EBF1: variants seen among roughly 807,000 people sequenced by gnomAD.
The protein encoded by EBF1 is transcription factor COE1.
A neutral mutation model predicts 68.4 loss-of-function variants in EBF1; 10 were observed. That is an observed-to-expected ratio of 0.15 (90% CI 0.09 to 0.25). The LOEUF (loss-of-function observed/expected upper bound fraction) is 0.25. Ranked by LOEUF, EBF1 falls within the 10% of genes least tolerant of loss-of-function variation. The probability of loss-of-function intolerance (pLI) is 1.00; values close to 1 mark genes in which losing one functional copy is unlikely to be tolerated. For synonymous variants in EBF1, 298 were observed against 299.8 expected (o/e 0.99, Z 0.06); for missense variants, 509 against 794.4 (o/e 0.64, Z 4.32).
chr5:158,910,857 C>T (rs150556533), intron 6 of EBF1, among the ~76,000 whole-genome samples: 1 of 152,296 alleles, frequency 6.6e-6, no homozygotes, highest in African/African-American at 2.4e-5. Context: ...TTATAAAGTC[C>T]AGTTTGTGGC....
At chr5:158,992,395 T>C (rs1760513036) in intron 6 of EBF1, among the ~76,000 whole-genome samples, 1 of 152,184 alleles carries the variant, frequency 6.6e-6, no homozygotes, top group African/African-American at 2.4e-5. Flanking sequence ...CTTGTGAAGT[T>C]ATAAATACAT....
At chr5:158,917,112 C>G (rs1807367113) in intron 6 of EBF1, among the ~76,000 whole-genome samples, 1 of 152,198 alleles carries the variant, frequency 6.6e-6, no homozygotes, top group African/African-American at 2.4e-5. Context: ...ATAATAAAAA[C>G]TGTTAGCTCT....
In EBF1 at chr5:159,067,080, C is replaced by T. The variant is rs149210963; in HGVS notation, c.554+6316G>A. On this transcript the variant is annotated intron_variant, in intron 6 of 15. Transcript: ENST00000313708. Reference sequence around the variant, plus strand: ...GGTCAATTTTTATTAGAGAGTTAACCGGGTGCTGGCAGGAGAGGGAAATGA... The same window carrying T: ...GGTCAATTTTTATTAGAGAGTTAACTGGGTGCTGGCAGGAGAGGGAAATGA... Among the ~76,000 whole-genome samples the T allele has an allele frequency of 5.0e-3, 755 of 152,000 alleles. 8 individuals are homozygous for T. Among genetic ancestry groups the T allele is most frequent in the African/African-American group, 0.017 (717 of 41,428 alleles).
chr5:158,770,756 T>G (rs1182798851), intron 10 of EBF1, among the ~76,000 whole-genome samples: 1 of 152,100 alleles, frequency 6.6e-6, no homozygotes, highest in Non-Finnish European at 1.5e-5. Context: ...TTGTCATCCT[T>G]CAAACTTCAG....
At chr5:158,720,098 G>C (rs982257168) in intron 11 of EBF1, among the ~76,000 whole-genome samples, 9 of 152,148 alleles carry the variant, frequency 5.9e-5, no homozygotes, top group African/African-American at 2.2e-4. Context: ...ACACAATGAA[G>C]TGAAATGAGA....
chr5:158,967,798 A>G (rs572012129), intron 6 of EBF1, among the ~76,000 whole-genome samples: 14 of 152,352 alleles, frequency 9.2e-5, no homozygotes, highest in African/African-American at 3.4e-4. Flanking sequence ...CTGTGAGTAA[A>G]CATGAATTCA....
rs375950444 is a variant in EBF1, at chr5:158,958,397, C to T, written c.554+114999G>A. 4.6e-5 allele frequency among the ~76,000 whole-genome samples: 7 copies of T among 152,104 alleles called. No individual in the cohort carries two copies. The East Asian group carries it at 9.6e-4, about 21-fold the overall frequency. On this transcript the variant is annotated intron_variant, in intron 6 of 15. Transcript: ENST00000313708. ...ATTTGCGGTGCTGATTGGAGTACCA[C>T]ACCTTTAAATTCAGGAAGCGGCCTT... is the stretch of plus-strand genomic sequence containing the variant.
intron 6 of EBF1, among the ~76,000 whole-genome samples, chr5:158,894,395 C>T (rs1025005): frequency 1.3e-5 from 2 of 151,736 alleles, no homozygotes; most frequent in Non-Finnish European, 2.9e-5. Context: ...AAATAGAAGG[C>T]AGATAAATAA....
In EBF1 at chr5:158,698,029, A is replaced by T; in HGVS notation, c.*1082T>A. 4.7e-6 allele frequency: 1 copy of T among 214,606 alleles called. No homozygotes were observed. 13.3% of individuals were successfully genotyped at this position (214,606 alleles called of 1,614,324 possible). On this transcript the variant is annotated 3_prime_UTR_variant, in exon 16 of 16. Transcript: ENST00000313708. Reference sequence around the variant, plus strand: ...GTTGTTTCAATCTATTATGTTACAAATGGTAAGGGTCGACTGATAGAGGCA... The same window carrying T: ...GTTGTTTCAATCTATTATGTTACAATTGGTAAGGGTCGACTGATAGAGGCA...
intron 7 of EBF1, among the ~76,000 whole-genome samples, chr5:158,837,653 T>C (rs780761113): frequency 5.9e-5 from 9 of 152,202 alleles, no homozygotes; most frequent in Non-Finnish European, 1.2e-4. Flanking sequence ...AATTGGTTTC[T>C]CATCTTGTAT....
chr5:158,884,631 A>G (rs1799652550), intron 6 of EBF1, among the ~76,000 whole-genome samples: 1 of 152,092 alleles, frequency 6.6e-6, no homozygotes, highest in African/African-American at 2.4e-5. Context: ...CAAGAGACAC[A>G]CCCGACTCAG....
chr5:158,917,918 T>G (rs1020771742), intron 6 of EBF1, among the ~76,000 whole-genome samples: 1 of 152,156 alleles, frequency 6.6e-6, no homozygotes, highest in Non-Finnish European at 1.5e-5. Context: ...TCATCTTTCC[T>G]GTCACAGGGA....
At chr5:158,727,905 C>A (rs574064794) in intron 11 of EBF1, among the ~76,000 whole-genome samples, 1 of 152,286 alleles carries the variant, frequency 6.6e-6, no homozygotes, top group South Asian at 2.1e-4. Context: ...GGAGCAGTTT[C>A]ATTTGACAGA....
intron 11 of EBF1, among the ~76,000 whole-genome samples, chr5:158,716,056 G>A (rs1760628585): frequency 6.6e-6 from 1 of 152,132 alleles, no homozygotes; most frequent in Admixed American, 6.5e-5. Flanking sequence ...AACTGCACTT[G>A]TGAACTTCAC....
At chr5:158,882,824 G>A (rs569100758) in intron 6 of EBF1, among the ~76,000 whole-genome samples, 2 of 152,182 alleles carry the variant, frequency 1.3e-5, no homozygotes, top group South Asian at 2.1e-4. Context: ...CGAGCACCTC[G>A]CACTGCAGGT....
rs9313785 is a variant in EBF1, at chr5:158,709,427, G to A, written c.1550-1254C>T. The stretch of plus-strand genomic sequence containing the variant: ...CATAGCTAGAATGCGCTGAAGCAAG[G>A]AATCACGCCCAAATTTGGAGCTCTT... On this transcript the variant is annotated intron_variant, in intron 14 of 15. Transcript: ENST00000313708. Among the ~76,000 whole-genome samples the A allele has an allele frequency of 6.5e-3, 991 of 152,226 alleles. 15 individuals are homozygous for A. Among genetic ancestry groups the A allele is most frequent in the African/African-American group, 0.023 (947 of 41,516 alleles).
intron 6 of EBF1, among the ~76,000 whole-genome samples, chr5:158,951,081 G>A (rs1023040188): frequency 3.9e-5 from 6 of 152,200 alleles, no homozygotes; most frequent in South Asian, 2.1e-4. Flanking sequence ...TGGTCTGAAC[G>A]CATGGTTTGC....
chr5:158,920,966 T>G (rs771605401), intron 6 of EBF1, among the ~76,000 whole-genome samples: 13 of 152,204 alleles, frequency 8.5e-5, no homozygotes, highest in Middle Eastern at 3.2e-3. Context: ...ATTAGCCATA[T>G]GGGAACCTAG....
intron 8 of EBF1, among the ~76,000 whole-genome samples, chr5:158,809,079 C>A (rs1311945871): frequency 3.3e-5 from 5 of 152,116 alleles, no homozygotes; most frequent in African/African-American, 9.7e-5. Context: ...GCAAATCACC[C>A]CAACTAGTCA....
Sources: allele counts gnomAD v4.1 joint callset (sites outside exome capture counted in the v4.1 genomes callset), GRCh38; gene constraint gnomAD v4.1.1; transcripts MANE v1.5; gene names NCBI Gene and HGNC (gene_info 2026-07-23, HGNC 2026-07-21).